NEAT1: variants seen among roughly 807,000 people sequenced by gnomAD.
The protein encoded by NEAT1 is nuclear paraspeckle assembly transcript 1.
At chr11:65,444,359 C>T (rs1856745781) in exon 1 of NEAT1, 1 of 442,838 alleles carries the variant, frequency 2.3e-6, no homozygotes, top group Non-Finnish European at 4.6e-6. Flanking sequence ...GGGGCTGATT[C>T]TGCTCAGATT....
chr11:65,428,985 G>A (rs1284381666), exon 1 of NEAT1: 1 of 152,054 alleles, frequency 6.6e-6, no homozygotes, highest in Admixed American at 6.5e-5. Context: ...AAACAAAAAT[G>A]GGATTATGCC....
exon 1 of NEAT1, chr11:65,423,376 C>A (rs2134883515): frequency 6.6e-6 from 1 of 152,284 alleles, no homozygotes; most frequent in Middle Eastern, 3.4e-3. Context: ...CCGCTCTGGC[C>A]CAGGGTGGTA....
At chr11:65,432,469 C>T (rs2134897254) in exon 1 of NEAT1, 1 of 152,114 alleles carries the variant, frequency 6.6e-6, no homozygotes, top group Admixed American at 6.5e-5. Context: ...CTGATAAGTC[C>T]ATTGAATTTG....
chr11:65,423,467 C>G (rs1856522365), exon 1 of NEAT1: 1 of 152,162 alleles, frequency 6.6e-6, no homozygotes, highest in Admixed American at 6.5e-5. Flanking sequence ...CGAAGCCAGG[C>G]CCCTGGGCGG....
At chr11:65,432,988 C>A (rs1856626035) in exon 1 of NEAT1, 1 of 150,232 alleles carries the variant, frequency 6.7e-6, no homozygotes. Flanking sequence ...TAATATCCTC[C>A]AGCTCCATCC....
In NEAT1 at chr11:65,444,662, AG is replaced by A. The variant is rs60505707; in HGVS notation, n.21868del. ...GTGGTGCTGTGGACCGTGGATCCTG[AG>A]GGTGGCCTGGGGCAAGTACCGGCTG... On this transcript the variant is annotated non_coding_transcript_exon_variant, in exon 1 of 1. Transcript: ENST00000501122. 5.7e-3 allele frequency: 2,143 copies of A among 378,266 alleles called. 42 individuals carry two copies. Among genetic ancestry groups the A allele is most frequent in the African/African-American group, 0.042 (1,949 of 46,852 alleles). The allele number at this position is 378,266 out of a possible 1,614,324, so 23.4% of individuals were successfully genotyped here.
chr11:65,436,352 C>T (rs1856658014), exon 1 of NEAT1: 1 of 152,294 alleles, frequency 6.6e-6, no homozygotes, highest in African/African-American at 2.4e-5. Flanking sequence ...AAGCAAGGCC[C>T]TGCCTGGGCC....
exon 1 of NEAT1, chr11:65,440,225 C>T (rs1256338916): frequency 6.7e-6 from 1 of 150,208 alleles, no homozygotes; most frequent in East Asian, 1.9e-4. Flanking sequence ...CTTAATGTTT[C>T]CATTTGTATT....
chr11:65,430,924 T>C (rs1419166805), exon 1 of NEAT1: 1 of 152,242 alleles, frequency 6.6e-6, no homozygotes, highest in African/African-American at 2.4e-5. Context: ...GTTGACTATC[T>C]GAATCATTTT....
chr11:65,433,462 GCT>G (rs1856630900), exon 1 of NEAT1: 1 of 152,062 alleles, frequency 6.6e-6, no homozygotes, highest in South Asian at 2.1e-4. Flanking sequence ...ACACAACATG[GCT>G]CTCTTTTACT....
At chr11:65,427,953 T>A (rs1057186134) in exon 1 of NEAT1, 1 of 152,204 alleles carries the variant, frequency 6.6e-6, no homozygotes, top group Non-Finnish European at 1.5e-5. Flanking sequence ...CACTTGTTGA[T>A]ACAGGAGCAG....
chr11:65,444,357 T>C (rs987392951), exon 1 of NEAT1: 1 of 444,506 alleles, frequency 2.2e-6, no homozygotes, highest in Non-Finnish European at 4.6e-6. Flanking sequence ...GGGGGGCTGA[T>C]TCTGCTCAGA....
At chr11:65,428,740 GC>G (rs1465287932) in exon 1 of NEAT1, 1 of 152,094 alleles carries the variant, frequency 6.6e-6, no homozygotes, top group Non-Finnish European at 1.5e-5. Flanking sequence ...CTTTCAGCCT[GC>G]TAGTTAGGAC....
exon 1 of NEAT1, chr11:65,431,733 C>T (rs1018441160): frequency 2.0e-5 from 3 of 152,072 alleles, no homozygotes; most frequent in Non-Finnish European, 2.9e-5. Flanking sequence ...CTATTCAAGT[C>T]CTTTGACTAT....
At chr11:65,438,567 T>C (rs1298033965) in exon 1 of NEAT1, 1 of 152,200 alleles carries the variant, frequency 6.6e-6, no homozygotes, top group Non-Finnish European at 1.5e-5. Flanking sequence ...TAACCTTTGT[T>C]ATACTGGTAA....
chr11:65,434,010 T>C (rs545942476), exon 1 of NEAT1: 58 of 152,340 alleles, frequency 3.8e-4, no homozygotes, highest in Non-Finnish European at 7.1e-4. Flanking sequence ...ATATTTTAGC[T>C]GTTCTTAGAG....
At position 65,428,193 on chromosome 11, in the gene NEAT1, G is replaced by A. The variant is rs557361435; in HGVS notation, n.5396G>A. On this transcript the variant is annotated non_coding_transcript_exon_variant, in exon 1 of 1. Transcript: ENST00000501122. ...GGTGTGGGTAATATAATAGAATTCA[G>A]TGAGTGGGCATGGCTGATCTTGTGC... 3 of 152,368 alleles carry A rather than the reference G, an allele frequency of 2.0e-5. No homozygotes were observed. The South Asian group carries it at 6.2e-4, about 32-fold the overall frequency. 9.4% of individuals were successfully genotyped at this position (152,368 alleles called of 1,614,324 possible).
exon 1 of NEAT1, chr11:65,441,352 T>TG (rs1328416154): frequency 6.6e-6 from 1 of 152,158 alleles, no homozygotes; most frequent in Non-Finnish European, 1.5e-5. Flanking sequence ...TTAGTAGATG[T>TG]GGGGTCTTTC....
exon 1 of NEAT1, chr11:65,425,143 T>A (rs1350074969): frequency 6.6e-6 from 1 of 152,146 alleles, no homozygotes; most frequent in Non-Finnish European, 1.5e-5. Flanking sequence ...AAGTTGTTGC[T>A]TGGAAGTGAG....
Sources: allele counts gnomAD v4.1 joint callset, GRCh38; gene constraint gnomAD v4.1.1; transcripts MANE v1.5; gene names NCBI Gene and HGNC (gene_info 2026-07-23, HGNC 2026-07-21).